MACROD2: variants seen among roughly 807,000 people sequenced by gnomAD.
MACROD2 encodes ADP-ribose glycohydrolase MACROD2.
In MACROD2, 36 loss-of-function variants were observed where a neutral mutation model predicts 70.4. The ratio of observed to expected loss-of-function variants is 0.51; its 90% CI spans 0.39 to 0.68. The LOEUF (loss-of-function observed/expected upper bound fraction) is 0.68, where lower values mean the gene tolerates loss of function less well. Among genes scored for constraint, MACROD2 ranks in the 30% least tolerant of loss-of-function variants. The probability of loss-of-function intolerance (pLI) is 0.00; values close to 1 mark genes in which losing one functional copy is unlikely to be tolerated. For missense variants in MACROD2, 496 were observed against 538.4 expected (o/e 0.92, Z 0.78); for synonymous variants, 172 against 178.8 (o/e 0.96, Z 0.30).
rs1231842988 is a variant in MACROD2 at position 15,170,556 on chromosome 20, G to A, written c.419-59384G>A. Among the ~76,000 whole-genome samples, 4 of 152,122 alleles carry A rather than the reference G, an allele frequency of 2.6e-5. No homozygotes were observed. The South Asian group carries it at 8.3e-4, about 32-fold the overall frequency. Reference sequence around the variant, plus strand: ...GCTGGCTGTGCACAGGGAGAGTTAGGACATGCTGGCTCCTCACCATCTCTG... The same window carrying A: ...GCTGGCTGTGCACAGGGAGAGTTAGAACATGCTGGCTCCTCACCATCTCTG... On this transcript the variant is annotated intron_variant, in intron 5 of 17. Coordinates refer to ENST00000684519, the MANE Select transcript of MACROD2 (RefSeq NM_001351661.2).
chr20:15,856,959 T>A (rs1465588624), intron 8 of MACROD2, among the ~76,000 whole-genome samples: 1 of 152,200 alleles, frequency 6.6e-6, no homozygotes, highest in Non-Finnish European at 1.5e-5. Flanking sequence ...CTTGACAGAT[T>A]GCACACCTGT....
At chr20:14,596,085 A>G (rs1048572751) in intron 4 of MACROD2, among the ~76,000 whole-genome samples, 1 of 151,566 alleles carries the variant, frequency 6.6e-6, no homozygotes, top group Non-Finnish European at 1.5e-5. Flanking sequence ...ATATATATAT[A>G]TGTAATTTTT....
chr20:14,333,977 T>G (rs1238083689), intron 3 of MACROD2, among the ~76,000 whole-genome samples: 4 of 152,214 alleles, frequency 2.6e-5, no homozygotes, highest in African/African-American at 9.6e-5. Context: ...ACAAAAGCTG[T>G]CATTGTCTCA....
At chr20:15,580,210 C>T (rs1330250590) in intron 8 of MACROD2, among the ~76,000 whole-genome samples, 1 of 152,152 alleles carries the variant, frequency 6.6e-6, no homozygotes, top group African/African-American at 2.4e-5. Context: ...TTCCCATCAC[C>T]AAATTTGCCA....
intron 2 of MACROD2, among the ~76,000 whole-genome samples, chr20:14,048,593 C>T (rs1392060104): frequency 2.0e-5 from 3 of 151,986 alleles, no homozygotes; most frequent in East Asian, 1.9e-4. Context: ...TATTCCTTCA[C>T]GATAAAGGCA....
At chr20:15,276,863 C>T (rs891403458) in intron 6 of MACROD2, among the ~76,000 whole-genome samples, 1 of 152,182 alleles carries the variant, frequency 6.6e-6, no homozygotes, top group African/African-American at 2.4e-5. Context: ...TCTGAACAAA[C>T]TAATAGTCTT....
chr20:14,457,705 T>C (rs529769340), intron 3 of MACROD2, among the ~76,000 whole-genome samples: 2 of 152,116 alleles, frequency 1.3e-5, no homozygotes, highest in African/African-American at 4.8e-5. Context: ...GGGAAACAAG[T>C]TGAGAAATGA....
chr20:15,655,463 T>C (rs902118933), intron 8 of MACROD2, among the ~76,000 whole-genome samples: 8 of 151,926 alleles, frequency 5.3e-5, no homozygotes, highest in African/African-American at 1.9e-4. Flanking sequence ...TCACAAGTGG[T>C]TTGGGGTTTA....
chr20:16,024,578 G>A (rs942496166), intron 15 of MACROD2, among the ~76,000 whole-genome samples: 1 of 151,864 alleles, frequency 6.6e-6, no homozygotes, highest in Non-Finnish European at 1.5e-5. Context: ...TTGTAATGGA[G>A]GACATTGACT....
intron 5 of MACROD2, among the ~76,000 whole-genome samples, chr20:15,224,772 C>T (rs1023668938): frequency 6.6e-6 from 1 of 151,858 alleles, no homozygotes; most frequent in African/African-American, 2.4e-5. Flanking sequence ...CCAGCCTGGC[C>T]AACATGGTAA....
At chr20:14,340,742 G>A (rs967605085) in intron 3 of MACROD2, among the ~76,000 whole-genome samples, 1 of 152,180 alleles carries the variant, frequency 6.6e-6, no homozygotes, top group Admixed American at 6.5e-5. Flanking sequence ...TTGTACGTGA[G>A]AAAGTGCATT....
chr20:14,923,150 C>A lies in MACROD2; in HGVS notation c.418+238191C>A, dbSNP rs113111810. 2.1e-3 allele frequency among the ~76,000 whole-genome samples: 313 copies of A among 152,302 alleles called. 1 individual carries two copies. Among genetic ancestry groups the A allele is most frequent in the African/African-American group, 7.1e-3 (296 of 41,570 alleles). ...TTCTTCACTTGAATTCCTCCAACCT[C>A]GCTGGCTGTTTCTTCCCAATCTCTT... On this transcript the variant is annotated intron_variant, in intron 5 of 17. Transcript: ENST00000684519.
At chr20:15,032,802 A>G (rs1354911550) in intron 5 of MACROD2, among the ~76,000 whole-genome samples, 13 of 152,242 alleles carry the variant, frequency 8.5e-5, no homozygotes, top group South Asian at 4.1e-4. Flanking sequence ...ATTATTCACT[A>G]TAGCCAAAAG....
At chr20:14,172,243 G>A (rs1382777431) in intron 3 of MACROD2, among the ~76,000 whole-genome samples, 1 of 151,036 alleles carries the variant, frequency 6.6e-6, no homozygotes, top group Non-Finnish European at 1.5e-5. Context: ...TGTTAGGTGA[G>A]CCTCTGAAAG....
chr20:16,013,544 A>G (rs2066891787), intron 15 of MACROD2, among the ~76,000 whole-genome samples: 1 of 152,210 alleles, frequency 6.6e-6, no homozygotes, highest in South Asian at 2.1e-4. Context: ...TGTTTTCTAC[A>G]ACAACTGCTG....
In MACROD2 at chr20:14,632,195, A is replaced by C. The variant is rs911836217; in HGVS notation, c.302-52648A>C. 2.6e-5 allele frequency among the ~76,000 whole-genome samples: 4 copies of C among 152,270 alleles called. No homozygotes were observed. The South Asian group carries it at 8.3e-4, about 32-fold the overall frequency. ...GCTTCTCTTTCTATTAAGGGTGGTC[A>C]TTCTAAATATGACTGCATAAGGAAT... On this transcript the variant is annotated intron_variant, in intron 4 of 17. Transcript: ENST00000684519.
At chr20:15,095,750 C>T (rs776332879) in intron 5 of MACROD2, among the ~76,000 whole-genome samples, 3 of 152,044 alleles carry the variant, frequency 2.0e-5, no homozygotes, top group Non-Finnish European at 4.4e-5. Flanking sequence ...ATCTCCTGAC[C>T]TCGTGATCCA....
chr20:15,779,126 G>A (rs962824061), intron 8 of MACROD2, among the ~76,000 whole-genome samples: 2 of 152,090 alleles, frequency 1.3e-5, no homozygotes, highest in African/African-American at 4.8e-5. Flanking sequence ...GGGGATCCCA[G>A]GAGTTACCTG....
intron 5 of MACROD2, among the ~76,000 whole-genome samples, chr20:15,128,784 A>G (rs925975445): frequency 2.0e-5 from 3 of 151,952 alleles, no homozygotes; most frequent in African/African-American, 7.2e-5. Flanking sequence ...TTTCATGTGT[A>G]GTCCTTTAAA....
Sources: gnomAD v4.1 joint callset for allele counts (sites outside exome capture counted in the v4.1 genomes callset) on GRCh38, gnomAD v4.1.1 for gene constraint, MANE v1.5 for transcripts, NCBI Gene and HGNC (gene_info 2026-07-23, HGNC 2026-07-21) for gene names.